The following MARK2 variants were observed in gnomAD, a reference collection of about 807,000 sequenced individuals.
The protein encoded by MARK2 is microtubule affinity regulating kinase 2.
Under a neutral mutation model 89.8 loss-of-function variants are expected in MARK2, and 16 were observed. The observed-to-expected ratio is 0.18, with a 90% CI of 0.12 to 0.27. MARK2 has a LOEUF of 0.27. Among genes scored for constraint, MARK2 ranks in the 10% least tolerant of loss-of-function variants. The pLI, the probability that MARK2 is intolerant of heterozygous loss-of-function variation, is 1.00. For synonymous variants in MARK2, 382 were observed against 399.5 expected (o/e 0.96, Z 0.52); for missense variants, 621 against 1,049.9 (o/e 0.59, Z 5.65).
At chr11:63,895,028 A>G (rs1011605421) in intron 1 of MARK2, 131 bp from the exon 2 acceptor site, 13 of 660,864 alleles carry the variant, frequency 2.0e-5, no homozygotes, top group Admixed American at 1.4e-4. Context: ...TTCTGCTGCC[A>G]TATCATTCTT....
At chr11:63,870,642 C>T (rs1938393065) in intron 1 of MARK2, among the ~76,000 whole-genome samples, 1 of 152,198 alleles carries the variant, frequency 6.6e-6, no homozygotes, top group Non-Finnish European at 1.5e-5. Flanking sequence ...TAATAGTGAA[C>T]AAGACAGCCA....
chr11:63,892,666 C>G (rs551347612), intron 1 of MARK2, among the ~76,000 whole-genome samples: 8 of 151,120 alleles, frequency 5.3e-5, no homozygotes, highest in Non-Finnish European at 1.2e-4. Flanking sequence ...AGCGATCGCT[C>G]CAGATGTTCT....
chr11:63,858,510 C>G (rs557973360), intron 1 of MARK2, among the ~76,000 whole-genome samples: 1 of 152,236 alleles, frequency 6.6e-6, no homozygotes, highest in East Asian at 1.9e-4. Context: ...TGCGCCACCA[C>G]ACCCGGCTAA....
At chr11:63,854,839 C>T (rs761984949) in intron 1 of MARK2, among the ~76,000 whole-genome samples, 2 of 150,034 alleles carry the variant, frequency 1.3e-5, no homozygotes, top group Non-Finnish European at 1.5e-5. Context: ...AAAGGGTATT[C>T]CAAGTGAGGA....
intron 1 of MARK2, among the ~76,000 whole-genome samples, chr11:63,872,786 G>A (rs1007329434): frequency 5.9e-5 from 9 of 152,078 alleles, no homozygotes; most frequent in African/African-American, 1.9e-4. Context: ...CTCCTGCAAC[G>A]GGAACCCCGC....
At chr11:63,885,604 G>A (rs1479203068) in intron 1 of MARK2, among the ~76,000 whole-genome samples, 1 of 152,016 alleles carries the variant, frequency 6.6e-6, no homozygotes, top group Non-Finnish European at 1.5e-5. Flanking sequence ...GGAGGCTGGG[G>A]CGGGTGGATT....
At position 63,866,820 on chromosome 11, in the gene MARK2, C is replaced by G. The variant is rs188401273; in HGVS notation, c.54+27260C>G. Among the ~76,000 whole-genome samples, 217 of 152,292 alleles carry G rather than the reference C, an allele frequency of 1.4e-3. 1 individual carries two copies. The highest frequency in any genetic ancestry group is 4.9e-3 in the African/African-American group (204 of 41,578). ...AGGAGAACTAGATTCAGAATTGTGT[C>G]TTTTTCCTAACAGAAGACTGGGGCC... On this transcript the variant is annotated intron_variant, in intron 1 of 18. Coordinates refer to ENST00000402010, the MANE Select transcript of MARK2 (RefSeq NM_001039469.3).
At chr11:63,888,090 T>C (rs116870245) in intron 1 of MARK2, among the ~76,000 whole-genome samples, 2,174 of 152,164 alleles carry the variant, frequency 0.014, 27 homozygotes, top group Middle Eastern at 0.031. Flanking sequence ...CTTTACAGAG[T>C]CCCCAAACTC....
chr11:63,904,284 G>A lies in MARK2; in HGVS notation c.1676+137G>A. 1.4e-6 allele frequency: 1 copy of A among 736,432 alleles called. No individual in the cohort carries two copies. Among genetic ancestry groups the A allele is most frequent in the East Asian group, 2.9e-5 (1 of 34,438 alleles). The allele number at this position is 736,432 out of a possible 1,614,324, so 45.6% of individuals were successfully genotyped here. A position where few individuals can be genotyped will look rare whatever the true frequency, so the allele number is the denominator to read the frequency against. On this transcript the variant is annotated intron_variant, in intron 15 of 18. Coordinates refer to ENST00000402010, the MANE Select transcript of MARK2 (RefSeq NM_001039469.3). The surrounding 1 kb of genome is among the most constrained non-coding windows in gnomAD (Gnocchi z 6.3). ...GCCACAAGAAATGGGTCTGTCCCCT[G>A]CGGCCAGGAAGTGGAGGGAACAAAA... is the stretch of plus-strand genomic sequence containing the variant.
At chr11:63,894,618 C>T (rs1565132539) in intron 1 of MARK2, among the ~76,000 whole-genome samples, 1 of 152,204 alleles carries the variant, frequency 6.6e-6, no homozygotes, top group East Asian at 1.9e-4. Flanking sequence ...ATTGCTTGAA[C>T]CCGGGAGGTG....
rs902209358 is a variant in MARK2 at position 63,909,371 on chromosome 11, C to A, written c.*134C>A. 2 of 939,306 alleles carry A rather than the reference C, an allele frequency of 2.1e-6. No homozygotes were observed. The highest frequency in any genetic ancestry group is 3.0e-6 in the Non-Finnish European group (2 of 664,474). 58.2% of individuals were successfully genotyped at this position (939,306 alleles called of 1,614,324 possible). On this transcript the variant is annotated 3_prime_UTR_variant, in exon 19 of 19. Coordinates refer to ENST00000402010, the MANE Select transcript of MARK2 (RefSeq NM_001039469.3). The stretch of plus-strand genomic sequence containing the variant: ...TGCTGGCACTTCTCCCCTCCCTGGC[C>A]CTTCTCAGTTTTCTCTTACATGTTT...
chr11:63,848,549 A>ATTT (rs779169841), intron 1 of MARK2, among the ~76,000 whole-genome samples: 2 of 123,730 alleles, frequency 1.6e-5, no homozygotes, highest in Non-Finnish European at 3.4e-5. Flanking sequence ...CACCCGGCTA[A>ATTT]TTTTTTTTTT....
chr11:63,839,676 C>T, intron 1 of MARK2, 116 bp downstream of exon 1: 1 of 699,310 alleles, frequency 1.4e-6, no homozygotes. Flanking sequence ...GCCTCGGCTG[C>T]CCTGTCATCC....
chr11:63,850,803 T>C (rs2016537169), intron 1 of MARK2, among the ~76,000 whole-genome samples: 1 of 152,114 alleles, frequency 6.6e-6, no homozygotes, highest in Non-Finnish European at 1.5e-5. Context: ...TCATGTTCCT[T>C]TCTTTTTTCT....
At position 63,908,257 on chromosome 11, in the gene MARK2, G is replaced by T; in HGVS notation, c.1962-3G>T. Reference sequence around the variant, plus strand: ...TAAACTCTCCCTCGCTCTGTTTTTTGAGGAACCTGAATGAACCTGAAAGCA... The same window carrying T: ...TAAACTCTCCCTCGCTCTGTTTTTTTAGGAACCTGAATGAACCTGAAAGCA... On this transcript the variant is annotated splice_polypyrimidine_tract_variant and splice_region_variant and intron_variant, in intron 17 of 18. Transcript: ENST00000402010. 6.4e-7 allele frequency: 1 copy of T among 1,560,844 alleles called. No homozygotes were observed. The highest frequency in any genetic ancestry group is 1.4e-5 in the African/African-American group (1 of 73,678).
In MARK2 at chr11:63,903,128, G is replaced by C; in HGVS notation, c.1484G>C (p.Gly495Ala). 1 of 1,613,824 alleles carries C rather than the reference G, an allele frequency of 6.2e-7. No individual in the cohort carries two copies. ...CCACTTTTGGAGCGGGCCAGCCTCG[G>C]CCAGGCCTCCATCCAGAATGGCAAA... ...NSPLLERASL[G>A]QASIQNGKDS... Residue 495 changes from glycine (G) to alanine (A), a missense_variant, in exon 14 of 19, where the codon GGC becomes GCC. By Grantham distance (60) the Gly-to-Ala change is moderately conservative (BLOSUM62 0). This residue lies in a region of MARK2 where 397 missense variants were observed against 567.8 expected (regional missense o/e 0.70). Coordinates refer to ENST00000402010, the MANE Select transcript of MARK2 (RefSeq NM_001039469.3). This position sits in a 1 kb window ranked among gnomAD's most constrained non-coding sequence, Gnocchi z 5.1.
chr11:63,903,223 C>T lies in MARK2; in HGVS notation c.1514+65C>T. 1 of 1,237,514 alleles carries T rather than the reference C, an allele frequency of 8.1e-7. No homozygotes were observed. The highest frequency in any genetic ancestry group is 1.2e-6 in the Non-Finnish European group (1 of 845,812). The allele number at this position is 1,237,514 out of a possible 1,614,324, so 76.7% of individuals were successfully genotyped here. A position where few individuals can be genotyped will look rare whatever the true frequency, so the allele number is the denominator to read the frequency against. On this transcript the variant is annotated intron_variant, in intron 14 of 18. Transcript: ENST00000402010. The surrounding 1 kb of genome is among the most constrained non-coding windows in gnomAD (Gnocchi z 5.1). ...CCATGTCTCACAGGGTGATGTCTGT[C>T]AGCAGCACCGTCTCCTGTCCCTGCC... is the stretch of plus-strand genomic sequence containing the variant.
rs1029819048 is a variant in MARK2, at chr11:63,877,358, G to A, written c.55-17801G>A. 6.6e-5 allele frequency among the ~76,000 whole-genome samples: 10 copies of A among 152,056 alleles called. No homozygotes were observed. The East Asian group carries it at 9.7e-4, about 15-fold the overall frequency. Reference sequence around the variant, plus strand: ...ACGCCTGACTTCAAGTGATCCGCCCGCCTCAGCCTCCCAGAGTGCTGGGAT... The same window carrying A: ...ACGCCTGACTTCAAGTGATCCGCCCACCTCAGCCTCCCAGAGTGCTGGGAT... On this transcript the variant is annotated intron_variant, in intron 1 of 18. Transcript: ENST00000402010.
At chr11:63,889,348 G>A (rs559106994) in intron 1 of MARK2, among the ~76,000 whole-genome samples, 1 of 152,332 alleles carries the variant, frequency 6.6e-6, no homozygotes, top group Non-Finnish European at 1.5e-5. Flanking sequence ...CTCTGCTTCT[G>A]GCCAGGGAAT....
Sources: gnomAD v4.1 joint callset for allele counts (sites outside exome capture counted in the v4.1 genomes callset) on GRCh38, gnomAD v4.1.1 for gene constraint, gnomAD v4.1.1 regional missense constraint, Gnocchi (gnomAD v3.1) non-coding constraint, MANE v1.5 for transcripts, NCBI Gene and HGNC (gene_info 2026-07-23, HGNC 2026-07-21) for gene names.